RNF13: variants seen among roughly 807,000 people sequenced by gnomAD.
The protein encoded by RNF13 is ring finger protein 13.
In RNF13, 19 loss-of-function variants were observed where a neutral mutation model predicts 37.7. That is an observed-to-expected ratio of 0.50 (90% CI 0.35 to 0.74). The LOEUF (loss-of-function observed/expected upper bound fraction) is 0.74, where lower values mean the gene tolerates loss of function less well. RNF13 is among the 30% of genes least tolerant of loss of function. The pLI, the probability that RNF13 is intolerant of heterozygous loss-of-function variation, is 0.01. For missense variants in RNF13, 375 were observed against 453.0 expected (o/e 0.83, Z 1.56); for synonymous variants, 144 against 157.8 (o/e 0.91, Z 0.65).
chr3:149,820,958 T>C (rs1470212473), intron 1 of RNF13, among the ~76,000 whole-genome samples: 1 of 152,234 alleles, frequency 6.6e-6, no homozygotes, highest in Non-Finnish European at 1.5e-5. Context: ...TTTACCCACA[T>C]GTAGCATATA....
At chr3:149,842,801 C>T (rs760152057) in intron 1 of RNF13, among the ~76,000 whole-genome samples, 34 of 151,910 alleles carry the variant, frequency 2.2e-4, no homozygotes, top group Admixed American at 3.9e-4. Flanking sequence ...AAACAAATTA[C>T]GTATGGAAAC....
chr3:149,834,889 G>A (rs1285241069), intron 1 of RNF13, among the ~76,000 whole-genome samples: 2 of 152,160 alleles, frequency 1.3e-5, no homozygotes, highest in Non-Finnish European at 2.9e-5. Context: ...ATGGACTAAG[G>A]TGTCAAGATC....
intron 3 of RNF13, among the ~76,000 whole-genome samples, chr3:149,857,359 C>A (rs914325764): frequency 6.6e-6 from 1 of 152,084 alleles, no homozygotes; most frequent in African/African-American, 2.4e-5. Context: ...AACTTTAATG[C>A]AAAAATGTAA....
intron 8 of RNF13, among the ~76,000 whole-genome samples, chr3:149,932,652 T>G (rs1719278632): frequency 6.6e-6 from 1 of 152,228 alleles, no homozygotes; most frequent in Admixed American, 6.5e-5. Context: ...ACATAATCTT[T>G]GACTCTGTGT....
intron 8 of RNF13, among the ~76,000 whole-genome samples, chr3:149,949,379 G>A (rs191887537): frequency 3.3e-5 from 5 of 149,988 alleles, no homozygotes; most frequent in Non-Finnish European, 7.4e-5. Flanking sequence ...CAGGGTTTCT[G>A]CTAAGTCTGC....
intron 8 of RNF13, among the ~76,000 whole-genome samples, chr3:149,943,908 C>A (rs186235742): frequency 6.6e-6 from 1 of 151,950 alleles, no homozygotes; most frequent in South Asian, 2.1e-4. Flanking sequence ...GTGTGCTGCA[C>A]CCATTAACTC....
At chr3:149,843,539 A>G (rs1000291870) in intron 1 of RNF13, among the ~76,000 whole-genome samples, 7 of 152,204 alleles carry the variant, frequency 4.6e-5, no homozygotes, top group Admixed American at 1.3e-4. Context: ...CCCTCAAAAC[A>G]TGCTACATGT....
At chr3:149,937,051 G>A (rs530168625) in intron 8 of RNF13, among the ~76,000 whole-genome samples, 14 of 152,268 alleles carry the variant, frequency 9.2e-5, no homozygotes, top group African/African-American at 3.4e-4. Context: ...TGTGCGCAGA[G>A]GACCCGTGGA....
chr3:149,902,696 C>G (rs543134617), intron 6 of RNF13, among the ~76,000 whole-genome samples: 3 of 152,168 alleles, frequency 2.0e-5, no homozygotes, highest in South Asian at 4.1e-4. Context: ...CTGAAATTAA[C>G]TTAAGGCACA....
intron 1 of RNF13, among the ~76,000 whole-genome samples, chr3:149,830,964 A>G (rs1720971055): frequency 6.6e-6 from 1 of 152,242 alleles, no homozygotes; most frequent in Admixed American, 6.5e-5. Context: ...AGAGGGTGCA[A>G]ACCCCAAGCA....
chr3:149,862,175 AG>A (rs1202032767), intron 3 of RNF13, among the ~76,000 whole-genome samples: 1 of 152,136 alleles, frequency 6.6e-6, no homozygotes, highest in African/African-American at 2.4e-5. Flanking sequence ...AATTTATTAT[AG>A]TACTTAAATT....
At chr3:149,932,537 G>A (rs1719264404) in intron 8 of RNF13, among the ~76,000 whole-genome samples, 1 of 152,164 alleles carries the variant, frequency 6.6e-6, no homozygotes, top group African/African-American at 2.4e-5. Flanking sequence ...CAGGTATTAG[G>A]TAAACATTCC....
At chr3:149,838,766 G>T (rs1228900297) in intron 1 of RNF13, among the ~76,000 whole-genome samples, 1 of 151,814 alleles carries the variant, frequency 6.6e-6, no homozygotes, top group Admixed American at 6.6e-5. Flanking sequence ...TATTTTCTTG[G>T]CAATTAACAT....
chr3:149,954,952 C>T (rs1312377266), intron 8 of RNF13, among the ~76,000 whole-genome samples: 1 of 152,162 alleles, frequency 6.6e-6, no homozygotes, highest in Non-Finnish European at 1.5e-5. Context: ...ATACCACACA[C>T]TGTTTCCTAA....
chr3:149,868,660 T>A (rs1015914256), intron 3 of RNF13, among the ~76,000 whole-genome samples: 2 of 151,360 alleles, frequency 1.3e-5, no homozygotes, highest in Admixed American at 6.6e-5. Context: ...TCTCTTTCTC[T>A]TGTTATTCCA....
intron 1 of RNF13, chr3:149,822,503 T>C (rs1429211120): frequency 1.3e-5 from 2 of 152,142 alleles, no homozygotes; most frequent in Admixed American, 6.5e-5. Flanking sequence ...TTACTTTCTT[T>C]TTTCCATGTG....
At chr3:149,903,937 ATCTGTCTGTCTGTCTGTCTG>A (rs34025145) in intron 6 of RNF13, among the ~76,000 whole-genome samples, 2 of 148,374 alleles carry the variant, frequency 1.3e-5, no homozygotes, top group African/African-American at 5.1e-5. Flanking sequence ...ATATCTGTCT[ATCTGTCTGTCTGTCTGTCTG>A]TCTGTCTGTC....
chr3:149,869,909 C>G (rs1711815692), intron 3 of RNF13, among the ~76,000 whole-genome samples: 1 of 151,746 alleles, frequency 6.6e-6, no homozygotes, highest in African/African-American at 2.4e-5. Flanking sequence ...GCTGCCCTTC[C>G]CAAAGGGGCA....
intron 5 of RNF13, among the ~76,000 whole-genome samples, chr3:149,899,988 A>G (rs1715657889): frequency 6.6e-6 from 1 of 152,206 alleles, no homozygotes; most frequent in South Asian, 2.1e-4. Context: ...GTCGATATGT[A>G]CTTCACAGAG....
Sources: gnomAD v4.1 joint callset for allele counts (sites outside exome capture counted in the v4.1 genomes callset) on GRCh38, gnomAD v4.1.1 for gene constraint, MANE v1.5 for transcripts, NCBI Gene and HGNC (gene_info 2026-07-23, HGNC 2026-07-21) for gene names.